Variants in MGAT4C observed in about 807,000 individuals in gnomAD.
MGAT4C encodes the protein MGAT4 family member C.
Under a neutral mutation model 40.1 loss-of-function variants are expected in MGAT4C, and 19 were observed. That is an observed-to-expected ratio of 0.47 (90% CI 0.33 to 0.70). The LOEUF (loss-of-function observed/expected upper bound fraction) is 0.70, where lower values mean the gene tolerates loss of function less well. MGAT4C is among the 30% of genes least tolerant of loss of function. MGAT4C has a pLI of 0.02. For missense variants in MGAT4C, 491 were observed against 563.2 expected (o/e 0.87, Z 1.30); for synonymous variants, 181 against 187.1 (o/e 0.97, Z 0.27).
intron 1 of MGAT4C, among the ~76,000 whole-genome samples, chr12:86,214,057 T>G (rs1478696583): frequency 6.6e-6 from 1 of 152,220 alleles, no homozygotes; most frequent in Non-Finnish European, 1.5e-5. Flanking sequence ...TTCTATGGAC[T>G]CCCAGGCTCT....
intron 2 of MGAT4C, among the ~76,000 whole-genome samples, chr12:86,591,199 A>T (rs950092665): frequency 6.6e-6 from 1 of 152,022 alleles, no homozygotes; most frequent in African/African-American, 2.4e-5. Context: ...TTAATAACAA[A>T]GTAGTTAGCA....
chr12:86,756,087 A>T (rs938273603), intron 1 of MGAT4C, among the ~76,000 whole-genome samples: 1 of 152,102 alleles, frequency 6.6e-6, no homozygotes, highest in Admixed American at 6.6e-5. Flanking sequence ...GGGTTGCCAT[A>T]ACAAAATACC....
chr12:86,536,680 C>G (rs934112441), intron 2 of MGAT4C, among the ~76,000 whole-genome samples: 1 of 152,086 alleles, frequency 6.6e-6, no homozygotes, highest in Non-Finnish European at 1.5e-5. Context: ...GATTGTGATT[C>G]AATAATTTTC....
chr12:86,532,590 C>T (rs1176284525), intron 2 of MGAT4C, among the ~76,000 whole-genome samples: 2 of 151,926 alleles, frequency 1.3e-5, no homozygotes, highest in South Asian at 4.1e-4. Context: ...TTGTATTTGC[C>T]AAGCTGTTAC....
intron 2 of MGAT4C, among the ~76,000 whole-genome samples, chr12:86,689,049 C>A (rs181220880): frequency 1.3e-5 from 2 of 151,912 alleles, no homozygotes; most frequent in African/African-American, 2.4e-5. Context: ...CATTCTTTTT[C>A]ATTTCTCTCT....
chr12:86,644,218 C>T lies in MGAT4C; in HGVS notation c.-229+82991G>A, dbSNP rs1295145575. ...TGACAAAGAGTTTATATTCACAATA[C>T]ACTAAAGCTCACTTAAATCAATAAG... On this transcript the variant is annotated intron_variant, in intron 2 of 7. Transcript: ENST00000548651. Among the ~76,000 whole-genome samples the T allele has an allele frequency of 5.3e-5, 8 of 151,538 alleles. No individual in the cohort carries two copies. The South Asian group carries it at 1.7e-3, about 31-fold the overall frequency.
intron 2 of MGAT4C, among the ~76,000 whole-genome samples, chr12:86,711,256 G>A (rs1395626906): frequency 3.9e-5 from 6 of 152,172 alleles, no homozygotes; most frequent in African/African-American, 1.2e-4. Flanking sequence ...AACAGTATGG[G>A]AATAGAGAAA....
chr12:86,738,550 A>G (rs10858470), intron 1 of MGAT4C, among the ~76,000 whole-genome samples: 72,928 of 150,934 alleles, frequency 0.48, 17,966 homozygotes, highest in African/African-American at 0.55. Context: ...TAAATGAATC[A>G]TGCCATTCAT....
At chr12:86,482,605 T>A (rs1238657457) in intron 2 of MGAT4C, among the ~76,000 whole-genome samples, 11 of 152,108 alleles carry the variant, frequency 7.2e-5, no homozygotes, top group Non-Finnish European at 1.6e-4. Context: ...GAGAAAGTAT[T>A]ACAAATATAC....
In MGAT4C at chr12:85,959,565, C is replaced by G. The variant is rs1457004769; in HGVS notation, c.*19724G>C. 1.3e-5 allele frequency: 2 copies of G among 151,910 alleles called. No individual in the cohort carries two copies. Among genetic ancestry groups the G allele is most frequent in the African/African-American group, 4.8e-5 (2 of 41,396 alleles). 9.4% of individuals were successfully genotyped at this position (151,910 alleles called of 1,614,324 possible). Reference sequence around the variant, plus strand: ...AATTTTACTACTTTAGACAAAGGTACAACACTCTATTCAAAAAAGTTATTG... The same window carrying G: ...AATTTTACTACTTTAGACAAAGGTAGAACACTCTATTCAAAAAAGTTATTG... On this transcript the variant is annotated 3_prime_UTR_variant, in exon 5 of 5. Coordinates refer to ENST00000611864, the MANE Select transcript of MGAT4C (RefSeq NM_001351288.2).
chr12:86,647,576 A>G (rs1333650464), intron 2 of MGAT4C, among the ~76,000 whole-genome samples: 1 of 151,900 alleles, frequency 6.6e-6, no homozygotes, highest in African/African-American at 2.4e-5. Flanking sequence ...TATGATTCCT[A>G]GGAAATTCTT....
intron 1 of MGAT4C, among the ~76,000 whole-genome samples, chr12:86,213,317 CT>C (rs1950554995): frequency 6.6e-6 from 1 of 152,184 alleles, no homozygotes; most frequent in Non-Finnish European, 1.5e-5. Context: ...TGCTGCTGCT[CT>C]TTCTATTCCA....
chr12:86,576,667 TC>T (rs1418928192), intron 2 of MGAT4C, among the ~76,000 whole-genome samples: 1 of 151,926 alleles, frequency 6.6e-6, no homozygotes, highest in African/African-American at 2.4e-5. Flanking sequence ...TCTGTTCTGT[TC>T]CACTGGTCTA....
At chr12:86,633,059 A>G (rs1369662914) in intron 2 of MGAT4C, among the ~76,000 whole-genome samples, 1 of 151,880 alleles carries the variant, frequency 6.6e-6, no homozygotes. Context: ...TATATATTAT[A>G]TATTTGAAGG....
At chr12:86,655,673 T>A (rs1963831013) in intron 2 of MGAT4C, among the ~76,000 whole-genome samples, 1 of 152,136 alleles carries the variant, frequency 6.6e-6, no homozygotes, top group Non-Finnish European at 1.5e-5. Context: ...TACAAAATAT[T>A]ACATAACCTG....
chr12:86,702,208 A>T (rs76207145), intron 2 of MGAT4C, among the ~76,000 whole-genome samples: 4 of 138,774 alleles, frequency 2.9e-5, no homozygotes, highest in Admixed American at 7.2e-5. Flanking sequence ...ACACCCAGCT[A>T]TTTTTTTTTT....
chr12:86,389,480 A>G (rs777134234), intron 3 of MGAT4C, among the ~76,000 whole-genome samples: 6 of 152,022 alleles, frequency 3.9e-5, no homozygotes, highest in Non-Finnish European at 7.4e-5. Context: ...TGTTTTTGCT[A>G]TTGTGAATTG....
intron 2 of MGAT4C, among the ~76,000 whole-genome samples, chr12:86,041,947 A>G (rs961074465): frequency 2.0e-5 from 3 of 151,738 alleles, no homozygotes; most frequent in Non-Finnish European, 4.4e-5. Context: ...TAGCTATCTC[A>G]CTCTCTTCAT....
intron 1 of MGAT4C, among the ~76,000 whole-genome samples, chr12:86,107,173 C>T (rs969009844): frequency 3.9e-5 from 6 of 152,256 alleles, no homozygotes; most frequent in South Asian, 2.1e-4. Flanking sequence ...TAATCTAGCT[C>T]GCATCTTCAG....
Sources: allele counts gnomAD v4.1 joint callset (sites outside exome capture counted in the v4.1 genomes callset), GRCh38; gene constraint gnomAD v4.1.1; transcripts MANE v1.5; gene names NCBI Gene and HGNC (gene_info 2026-07-23, HGNC 2026-07-21).